Variants in TIPIN observed in about 807,000 individuals in gnomAD.
The protein encoded by TIPIN is TIMELESS interacting protein.
A neutral mutation model predicts 35.6 loss-of-function variants in TIPIN; 29 were observed. The observed-to-expected ratio is 0.82, with a 90% confidence interval of 0.61 to 1.11. The LOEUF is 1.11. Among genes scored for constraint, TIPIN ranks in the 50% most tolerant of loss-of-function variants. The probability of loss-of-function intolerance (pLI) is 0.00; values close to 1 mark genes in which losing one functional copy is unlikely to be tolerated. For missense variants in TIPIN, 296 were observed against 345.4 expected (o/e 0.86, Z 1.13); for synonymous variants, 102 against 121.5 (o/e 0.84, Z 1.06).
rs1352961437 is a variant in TIPIN at position 66,336,993 on chromosome 15, C to T, written c.871G>A (p.Asp291Asn). ...QSFKNVQQQL[D>N]ATSRNITEAR Reference sequence around the variant, plus strand: ...TCAGTAATATTTCTGGATGTAGCATCAAGTTGCTGTTGCACATTTTTAAAA... The same window carrying T: ...TCAGTAATATTTCTGGATGTAGCATTAAGTTGCTGTTGCACATTTTTAAAA... Residue 291 changes from aspartate (D) to asparagine (N), a missense_variant, in exon 8 of 8, where the codon GAT becomes AAT. Asp to Asn is a conservative substitution (Grantham distance 23, BLOSUM62 1). Coordinates refer to ENST00000261881, the MANE Select transcript of TIPIN (RefSeq NM_017858.3). 4 of 1,613,274 alleles carry T rather than the reference C, an allele frequency of 2.5e-6. No individual in the cohort carries two copies. Among genetic ancestry groups the T allele is most frequent in the Non-Finnish European group, 3.4e-6 (4 of 1,179,378 alleles).
At chr15:66,383,612 A>C in intron 1 of TIPIN, 1 of 983,202 alleles carries the variant, frequency 1.0e-6, no homozygotes, top group Non-Finnish European at 1.2e-6. Flanking sequence ...GATACTAAAA[A>C]TTATGCATGT....
intron 1 of TIPIN, among the ~76,000 whole-genome samples, chr15:66,385,760 T>C (rs973715488): frequency 1.3e-5 from 2 of 152,166 alleles, no homozygotes; most frequent in African/African-American, 2.4e-5. Flanking sequence ...GTTCTGGAAT[T>C]ACAGGCGTGA....
At chr15:66,350,774 A>G (rs912294454) in intron 4 of TIPIN, among the ~76,000 whole-genome samples, 71 of 126,448 alleles carry the variant, frequency 5.6e-4, no homozygotes, top group African/African-American at 3.0e-3. Flanking sequence ...CTAAAAATAC[A>G]AAAAAAAAAA....
At chr15:66,337,860 T>C (rs2093056591) in intron 7 of TIPIN, among the ~76,000 whole-genome samples, 2 of 147,030 alleles carry the variant, frequency 1.4e-5, no homozygotes, top group African/African-American at 2.5e-5. Flanking sequence ...CAAAGTGAGA[T>C]CCTATAACCA....
intron 1 of TIPIN, chr15:66,379,508 T>C: frequency 6.2e-7 from 1 of 1,609,982 alleles, no homozygotes; most frequent in Admixed American, 1.7e-5. Flanking sequence ...GGGCTTGAGA[T>C]ACTGAACAAG....
At chr15:66,363,448 C>T (rs1278809668) in intron 1 of TIPIN, among the ~76,000 whole-genome samples, 1 of 151,632 alleles carries the variant, frequency 6.6e-6, no homozygotes, top group Admixed American at 6.6e-5. Flanking sequence ...TCGAGACCAT[C>T]CTGGCTAACA....
At chr15:66,353,501 A>T (rs746764003) in intron 1 of TIPIN, among the ~76,000 whole-genome samples, 5 of 151,646 alleles carry the variant, frequency 3.3e-5, no homozygotes, top group Non-Finnish European at 5.9e-5. Flanking sequence ...TTGTAGTCCC[A>T]TCCACTCGGC....
chr15:66,351,630 A>C, intron 3 of TIPIN, 30 bp from the exon 4 acceptor site: 7 of 1,492,896 alleles, frequency 4.7e-6, no homozygotes, highest in Non-Finnish European at 6.4e-6. Context: ...TTTAATTTCA[A>C]GTTTTATTTT....
chr15:66,357,406 A>T (rs1478886760), upstream of TIPIN, among the ~76,000 whole-genome samples: 1 of 152,078 alleles, frequency 6.6e-6, no homozygotes, highest in Non-Finnish European at 1.5e-5. Flanking sequence ...AGAGGTGGTA[A>T]AGAGAGGAAA....
intron 1 of TIPIN, among the ~76,000 whole-genome samples, chr15:66,363,711 G>A (rs2093240965): frequency 6.6e-6 from 1 of 150,472 alleles, no homozygotes; most frequent in African/African-American, 2.5e-5. Flanking sequence ...CGCTGGGTGC[G>A]GTGGCTCACG....
chr15:66,383,419 C>G (rs952828436), intron 1 of TIPIN: 1 of 181,372 alleles, frequency 5.5e-6, no homozygotes, highest in African/African-American at 2.4e-5. Context: ...CCCGCCACCA[C>G]ATTCAGATAA....
chr15:66,364,723 T>G (rs778302633), intron 1 of TIPIN, among the ~76,000 whole-genome samples: 22 of 151,866 alleles, frequency 1.4e-4, no homozygotes, highest in Non-Finnish European at 2.4e-4. Context: ...TCCCAGCACT[T>G]TGGGAGGCCG....
intron 1 of TIPIN, among the ~76,000 whole-genome samples, chr15:66,374,332 C>A (rs2093288085): frequency 6.6e-6 from 1 of 151,428 alleles, no homozygotes; most frequent in African/African-American, 2.5e-5. Context: ...GGAATTTCAG[C>A]ATCTTTTCAT....
intron 1 of TIPIN, among the ~76,000 whole-genome samples, chr15:66,355,811 A>G (rs970777525): frequency 6.6e-6 from 1 of 152,186 alleles, no homozygotes; most frequent in Non-Finnish European, 1.5e-5. Context: ...GCAAGCTACA[A>G]GAATCTATAC....
At chr15:66,342,613 C>T (rs568842246) in intron 6 of TIPIN, among the ~76,000 whole-genome samples, 1 of 152,284 alleles carries the variant, frequency 6.6e-6, no homozygotes. Context: ...ATCCACATGC[C>T]TCAGCCTCCC....
intron 1 of TIPIN, among the ~76,000 whole-genome samples, chr15:66,363,924 A>C (rs1169372612): frequency 6.6e-6 from 1 of 151,150 alleles, no homozygotes; most frequent in Admixed American, 6.6e-5. Context: ...CAGAGCTTGC[A>C]GTGAGCTGAG....
At chr15:66,385,090 C>T (rs957444284) in intron 1 of TIPIN, among the ~76,000 whole-genome samples, 3 of 152,206 alleles carry the variant, frequency 2.0e-5, no homozygotes, top group Non-Finnish European at 4.4e-5. Flanking sequence ...TATTTAGTGA[C>T]TTAATCAACC....
chr15:66,366,506 C>T (rs1321664809), intron 1 of TIPIN, among the ~76,000 whole-genome samples: 1 of 149,270 alleles, frequency 6.7e-6, no homozygotes, highest in Non-Finnish European at 1.5e-5. Context: ...GTAATTCCAG[C>T]ACTTTGGGAG....
intron 1 of TIPIN, among the ~76,000 whole-genome samples, chr15:66,368,084 G>A (rs554413788): frequency 1.3e-5 from 2 of 151,986 alleles, no homozygotes; most frequent in South Asian, 4.1e-4. Context: ...TGCCTGCCTC[G>A]GCTTCCCAAA....
Sources: allele counts gnomAD v4.1 joint callset (sites outside exome capture counted in the v4.1 genomes callset), GRCh38; gene constraint gnomAD v4.1.1; transcripts MANE v1.5; gene names NCBI Gene and HGNC (gene_info 2026-07-23, HGNC 2026-07-21).